The following DUOX1 variants were observed in gnomAD, a reference collection of about 807,000 sequenced individuals.
DUOX1 encodes the protein NADPH thyroid oxidase 1.
DUOX1 carries 134 observed loss-of-function variants against 181.8 expected under a neutral mutation model. The ratio of observed to expected loss-of-function variants is 0.74; its 90% CI spans 0.64 to 0.85. The LOEUF (loss-of-function observed/expected upper bound fraction) is 0.85, where lower values mean the gene tolerates loss of function less well. Among genes scored for constraint, DUOX1 ranks in the 40% least tolerant of loss-of-function variants. The pLI is 0.00. For synonymous variants in DUOX1, 798 were observed against 832.5 expected (o/e 0.96, Z 0.71); for missense variants, 1,814 against 2,064.4 (o/e 0.88, Z 2.35).
At position 45,162,487 on chromosome 15, in the gene DUOX1, G is replaced by A. The variant is rs189908390; in HGVS notation, c.4248+110G>A. On this transcript the variant is annotated intron_variant, in intron 31 of 33. Transcript: ENST00000389037. Reference sequence around the variant, plus strand: ...GTTCTTGGCTTCCCTGAACTGGGCAGGGGCAAGTTGGTTTGAAACCTGGGG... The same window carrying A: ...GTTCTTGGCTTCCCTGAACTGGGCAAGGGCAAGTTGGTTTGAAACCTGGGG... The A allele has an allele frequency of 1.5e-4, 210 of 1,436,906 alleles. No homozygotes were observed. In the African/African-American group the frequency reaches 2.6e-3, roughly 18 times the overall value. The allele number at this position is 1,436,906 out of a possible 1,614,324, so 89.0% of individuals were successfully genotyped here.
At chr15:45,163,216 C>T (rs1458590039) in intron 31 of DUOX1, among the ~76,000 whole-genome samples, 1 of 152,202 alleles carries the variant, frequency 6.6e-6, no homozygotes, top group Admixed American at 6.5e-5. Flanking sequence ...GCAGCCTGAC[C>T]AGGGACCACT....
At position 45,147,096 on chromosome 15, in the gene DUOX1, G is replaced by A. The variant is rs572737054; in HGVS notation, c.2323-337G>A. Among the ~76,000 whole-genome samples, 17 of 152,334 alleles carry A rather than the reference G, an allele frequency of 1.1e-4. 1 individual carries two copies. In the South Asian group the frequency reaches 3.5e-3, roughly 32 times the overall value. ...TAGAAAAGGAAAGCTGTCAGCCAAT[G>A]AGGCCACTCCTCCCCTAGGCTGCCT... On this transcript the variant is annotated intron_variant, in intron 18 of 33. Coordinates refer to ENST00000389037, the MANE Select transcript of DUOX1 (RefSeq NM_175940.3).
chr15:45,158,444 C>T (rs1236395861), intron 28 of DUOX1, among the ~76,000 whole-genome samples: 5 of 152,018 alleles, frequency 3.3e-5, no homozygotes, highest in Non-Finnish European at 7.4e-5. Flanking sequence ...TGCAGTGGCT[C>T]GCACCTGTAA....
At chr15:45,141,519 G>C (rs764934474) in intron 14 of DUOX1, 109 bp downstream of exon 14, 26 of 1,240,994 alleles carry the variant, frequency 2.1e-5, no homozygotes, top group Admixed American at 8.8e-5. Context: ...GCTCCAAGAG[G>C]GGAGTGAGCT....
In DUOX1 at chr15:45,164,930, C is replaced by G. The variant is rs777165961; in HGVS notation, c.*29C>G. The G allele has an allele frequency of 8.1e-6, 13 of 1,611,118 alleles. No homozygotes were observed. The highest frequency in any genetic ancestry group is 1.0e-5 in the Non-Finnish European group (12 of 1,177,444). The stretch of plus-strand genomic sequence containing the variant: ...CCTGCCCGGGGGTTCTGCCCACTGC[C>G]CAGTTGAGCAGAGGTTTGAGCCCAC... On this transcript the variant is annotated 3_prime_UTR_variant, in exon 34 of 34. Coordinates refer to ENST00000389037, the MANE Select transcript of DUOX1 (RefSeq NM_175940.3).
At chr15:45,159,461 G>C (rs1393534431) in intron 28 of DUOX1, among the ~76,000 whole-genome samples, 1 of 152,202 alleles carries the variant, frequency 6.6e-6, no homozygotes, top group Admixed American at 6.5e-5. Flanking sequence ...GAGCCAACAT[G>C]GCCTGAAAAG....
rs1479018755 is a variant in DUOX1 at position 45,144,024 on chromosome 15, C to T, written c.1937-12C>T. On this transcript the variant is annotated splice_polypyrimidine_tract_variant and intron_variant, in intron 16 of 33. Transcript: ENST00000389037. ...GGTCCCAGCTGACGAAGCCCTGTCT[C>T]TCTCCCCCTAGCTTTGGAATGGCAA... 8.1e-6 allele frequency: 13 copies of T among 1,613,528 alleles called. No individual in the cohort carries two copies. The South Asian group carries it at 1.3e-4, about 16-fold the overall frequency.
At position 45,152,369 on chromosome 15, in the gene DUOX1, ATC is replaced by A. The variant is rs771495458; in HGVS notation, c.3281_3282del (p.Ser1094PhefsTer79). On this transcript the variant is annotated frameshift_variant, in exon 25 of 34. Coordinates refer to ENST00000389037, the MANE Select transcript of DUOX1 (RefSeq NM_175940.3). LOFTEE classifies it high-confidence loss of function. Reference sequence around the variant, plus strand: ...CCTGTCGCGGGGCACAGCAGCCAGCATCTCTTTCATGTTCTCCTACATCTTGC... The same window carrying A: ...CCTGTCGCGGGGCACAGCAGCCAGCATCTTTCATGTTCTCCTACATCTTGC... The part of the protein sequence containing the change: ...IILSRGTAAS[I>X]SFMFSYILLT... The A allele has an allele frequency of 2.5e-6, 4 of 1,614,198 alleles. No homozygotes were observed. The highest frequency in any genetic ancestry group is 3.4e-6 in the Non-Finnish European group (4 of 1,180,024).
At chr15:45,158,374 G>A (rs1897013991) in intron 28 of DUOX1, among the ~76,000 whole-genome samples, 1 of 151,980 alleles carries the variant, frequency 6.6e-6, no homozygotes, top group African/African-American at 2.4e-5. Context: ...ACTTAGCTGG[G>A]GGAAGGGAAC....
intron 12 of DUOX1, chr15:45,139,957 C>G: frequency 1.3e-6 from 1 of 779,598 alleles, no homozygotes; most frequent in Non-Finnish European, 2.1e-6. Context: ...TTTAAGCCAC[C>G]TTTCAGGAGT....
chr15:45,143,040 C>T, intron 15 of DUOX1, 150 bp from the exon 16 acceptor site: 10 of 627,104 alleles, frequency 1.6e-5, no homozygotes, highest in Middle Eastern at 5.3e-4. Flanking sequence ...GCAGCTTCCC[C>T]CAGGGACCTT....
Position 45,142,131 on chromosome 15 carries a change from T to C in DUOX1, c.1822+19T>C. 1 of 1,607,086 alleles carries C rather than the reference T, an allele frequency of 6.2e-7. No individual in the cohort carries two copies. ...CCTTTGGGTAAAATCATGGACAGAGTGGGGTGGGGTGAGAGATGCAAGCTA... is the reference window on the plus strand; with the variant it reads ...CCTTTGGGTAAAATCATGGACAGAGCGGGGTGGGGTGAGAGATGCAAGCTA... On this transcript the variant is annotated intron_variant, in intron 15 of 33. Transcript: ENST00000389037.
At chr15:45,133,756 C>A in intron 2 of DUOX1, 108 bp from the exon 3 acceptor site, 1 of 942,682 alleles carries the variant, frequency 1.1e-6, no homozygotes, top group Non-Finnish European at 1.7e-6. Context: ...CAGGTATCCA[C>A]TTTCTGCTGC....
At chr15:45,133,190 C>G (rs1595573595) in intron 2 of DUOX1, among the ~76,000 whole-genome samples, 3 of 152,148 alleles carry the variant, frequency 2.0e-5, no homozygotes, top group African/African-American at 7.2e-5. Flanking sequence ...CCTCCTGGAC[C>G]CTCATTTTGG....
intron 21 of DUOX1, 64 bp from the exon 22 acceptor site, chr15:45,150,568 T>C: frequency 6.6e-7 from 1 of 1,509,744 alleles, no homozygotes; most frequent in Non-Finnish European, 9.2e-7. Context: ...GTGCTGTGCG[T>C]TTGAGCCAGG....
Position 45,139,490 on chromosome 15 carries a change from G to C in DUOX1, c.1280G>C (p.Gly427Ala). ...TDHLASCLQR[G>A]RDLGLPSYTK... ...CACCTGGCCAGCTGCCTGCAGCGGGGCCGGGATCTGGGCCTGCCCTCTTAC... is the reference window on the plus strand; with the variant it reads ...CACCTGGCCAGCTGCCTGCAGCGGGCCCGGGATCTGGGCCTGCCCTCTTAC... Residue 427 changes from glycine to alanine, a missense_variant, in exon 12 of 34, where the codon GGC becomes GCC. Gly to Ala is a moderately conservative substitution (Grantham distance 60, BLOSUM62 0). Coordinates refer to ENST00000389037, the MANE Select transcript of DUOX1 (RefSeq NM_175940.3). 6.2e-7 allele frequency: 1 copy of C among 1,613,288 alleles called. No homozygotes were observed. Among genetic ancestry groups the C allele is most frequent in the Non-Finnish European group, 8.5e-7 (1 of 1,179,800 alleles).
At chr15:45,155,678 G>A (rs1248438936) in intron 27 of DUOX1, 124 bp from the exon 28 acceptor site, 1 of 1,362,970 alleles carries the variant, frequency 7.3e-7, no homozygotes, top group Non-Finnish European at 1.0e-6. Context: ...AGGACCAGAG[G>A]AGAATGCTGG....
chr15:45,156,012 T>C, intron 28 of DUOX1, 83 bp downstream of exon 28: 2 of 1,566,982 alleles, frequency 1.3e-6, no homozygotes, highest in South Asian at 1.1e-5. Context: ...GGACATTCAT[T>C]CAATTTCTAG....
intron 24 of DUOX1, 66 bp downstream of exon 24, chr15:45,152,118 G>A: frequency 6.4e-7 from 1 of 1,567,306 alleles, no homozygotes; most frequent in Non-Finnish European, 8.7e-7. Flanking sequence ...CCTGGGGGTG[G>A]GGCCTGCGAT....
Sources: gnomAD v4.1 joint callset for allele counts (sites outside exome capture counted in the v4.1 genomes callset) on GRCh38, gnomAD v4.1.1 for gene constraint, MANE v1.5 for transcripts, NCBI Gene and HGNC (gene_info 2026-07-23, HGNC 2026-07-21) for gene names.